The following ARL8A variants were observed in gnomAD, a reference collection of about 807,000 sequenced individuals.
ARL8A encodes ADP-ribosylation factor-like protein 8A.
In ARL8A, 10 loss-of-function variants were observed where a neutral mutation model predicts 31.2. The ratio of observed to expected loss-of-function variants is 0.32; its 90% CI spans 0.20 to 0.54. The LOEUF is 0.54. ARL8A is among the 20% of genes least tolerant of loss of function. The pLI is 0.93. For missense variants in ARL8A, 129 were observed against 242.8 expected (o/e 0.53, Z 3.12); for synonymous variants, 70 against 86.9 (o/e 0.81, Z 1.08).
chr1:202,144,433 G>T lies in ARL8A; in HGVS notation c.123+17C>A. 1 of 1,385,238 alleles carries T rather than the reference G, an allele frequency of 7.2e-7. No individual in the cohort carries two copies. The highest frequency in any genetic ancestry group is 9.6e-7 in the Non-Finnish European group (1 of 1,041,890). 85.8% of individuals were successfully genotyped at this position (1,385,238 alleles called of 1,614,324 possible). ...CGCGGCCCGCGCCCGGGGACCCCGC[G>T]CCCGACGCCCTCGTACCGCGATCAC... is the stretch of plus-strand genomic sequence containing the variant. On this transcript the variant is annotated intron_variant, in intron 1 of 6. Coordinates refer to ENST00000272217, the MANE Select transcript of ARL8A (RefSeq NM_138795.4). This position sits in a 1 kb window ranked among gnomAD's most constrained non-coding sequence, Gnocchi z 5.2.
At position 202,135,141 on chromosome 1, in the gene ARL8A, C is replaced by A. The variant is rs762532680; in HGVS notation, c.511+9G>T. On this transcript the variant is annotated intron_variant, in intron 6 of 6. Coordinates refer to ENST00000272217, the MANE Select transcript of ARL8A (RefSeq NM_138795.4). The surrounding 1 kb of genome is among the most constrained non-coding windows in gnomAD (Gnocchi z 5.3). ...CTCCCCTCTCCTCCCTTTCCCCCAT[C>A]CTACGCACCAATGTTGTCCTTTTCT... 1 of 1,612,600 alleles carries A rather than the reference C, an allele frequency of 6.2e-7. No homozygotes were observed. The highest frequency in any genetic ancestry group is 1.1e-5 in the South Asian group (1 of 91,044).
In ARL8A at chr1:202,138,326, CAA is replaced by C. The variant is rs776306757; in HGVS notation, c.204+40_204+41del. 17 of 1,504,398 alleles carry C rather than the reference CAA, an allele frequency of 1.1e-5. No individual in the cohort carries two copies. In the African/African-American group the frequency reaches 1.2e-4, roughly 10 times the overall value. The allele number at this position is 1,504,398 out of a possible 1,614,324, so 93.2% of individuals were successfully genotyped here. A position where few individuals can be genotyped will look rare whatever the true frequency, so the allele number is the denominator to read the frequency against. ...ACACACACACACACACACACACACA[CAA>C]AAACAGTCCTCTGCACCCCCCAAGC... On this transcript the variant is annotated intron_variant, in intron 2 of 6. Coordinates refer to ENST00000272217, the MANE Select transcript of ARL8A (RefSeq NM_138795.4). This position sits in a 1 kb window ranked among gnomAD's most constrained non-coding sequence, Gnocchi z 4.4.
chr1:202,138,223 C>A lies in ARL8A; in HGVS notation c.204+145G>T. ...AGTCTTCTACTGTCTTTTCCCAGCT[C>A]CTCAGCAGGGGGACCCTGGCCTCTG... On this transcript the variant is annotated intron_variant, in intron 2 of 6. Coordinates refer to ENST00000272217, the MANE Select transcript of ARL8A (RefSeq NM_138795.4). This position sits in a 1 kb window ranked among gnomAD's most constrained non-coding sequence, Gnocchi z 4.4. The A allele has an allele frequency of 8.6e-7, 1 of 1,160,050 alleles. No individual in the cohort carries two copies. Among genetic ancestry groups the A allele is most frequent in the Non-Finnish European group, 1.2e-6 (1 of 805,234 alleles). The allele number at this position is 1,160,050 out of a possible 1,614,324, so 71.9% of individuals were successfully genotyped here. A position where few individuals can be genotyped will look rare whatever the true frequency, so the allele number is the denominator to read the frequency against.
Position 202,138,400 on chromosome 1 carries a change from G to C in ARL8A, c.172C>G (p.Arg58Gly). ...DMIPTVGFNM[R>G]KITKGNVTIK... ...GTCACATTCCCTTTGGTGATTTTGCGCATGTTGAAACCCACGGTGGGGATC... is the reference window on the plus strand; with the variant it reads ...GTCACATTCCCTTTGGTGATTTTGCCCATGTTGAAACCCACGGTGGGGATC... Residue 58 changes from arginine (R) to glycine (G), a missense_variant, in exon 2 of 7, where the codon CGC becomes GGC. Coordinates refer to ENST00000272217, the MANE Select transcript of ARL8A (RefSeq NM_138795.4). The surrounding 1 kb of genome is among the most constrained non-coding windows in gnomAD (Gnocchi z 4.4). 6.2e-7 allele frequency: 1 copy of C among 1,613,956 alleles called. No individual in the cohort carries two copies. The highest frequency in any genetic ancestry group is 8.5e-7 in the Non-Finnish European group (1 of 1,179,964).
chr1:202,133,523 AAAGG>A lies in ARL8A; in HGVS notation c.*940_*943del, dbSNP rs1413245214. 6.6e-6 allele frequency: 1 copy of A among 152,264 alleles called. No individual in the cohort carries two copies. The highest frequency in any genetic ancestry group is 2.4e-5 in the African/African-American group (1 of 41,458). 9.4% of individuals were successfully genotyped at this position (152,264 alleles called of 1,614,324 possible). The stretch of plus-strand genomic sequence containing the variant: ...TTAAATATGAGCTGAAAAGTGTAAA[AAAGG>A]AAGAGGAACATCACTTTACAAATCA... On this transcript the variant is annotated 3_prime_UTR_variant, in exon 7 of 7. Coordinates refer to ENST00000272217, the MANE Select transcript of ARL8A (RefSeq NM_138795.4).
Position 202,138,578 on chromosome 1 carries a change from C to T in ARL8A, c.124-130G>A, listed in dbSNP as rs528113535. ...GACTTCCCACTGTGGGGTACTCTTGCACATCCTGTGCTTTCAGGCAGGATG... is the reference window on the plus strand; with the variant it reads ...GACTTCCCACTGTGGGGTACTCTTGTACATCCTGTGCTTTCAGGCAGGATG... On this transcript the variant is annotated intron_variant, in intron 1 of 6. Coordinates refer to ENST00000272217, the MANE Select transcript of ARL8A (RefSeq NM_138795.4). This position sits in a 1 kb window ranked among gnomAD's most constrained non-coding sequence, Gnocchi z 4.4. 7 of 812,612 alleles carry T rather than the reference C, an allele frequency of 8.6e-6. No individual in the cohort carries two copies. The East Asian group carries it at 1.8e-4, about 21-fold the overall frequency. 50.3% of individuals were successfully genotyped at this position (812,612 alleles called of 1,614,324 possible). A position where few individuals can be genotyped will look rare whatever the true frequency, so the allele number is the denominator to read the frequency against.
intron 1 of ARL8A, among the ~76,000 whole-genome samples, chr1:202,141,665 A>G (rs963993731): frequency 3.4e-5 from 5 of 147,592 alleles, no homozygotes; most frequent in African/African-American, 1.3e-4. Context: ...GAAAAAAGAA[A>G]AAAAAGAAAA....
Position 202,135,294 on chromosome 1 carries a change from CT to C in ARL8A, c.441-75del, listed in dbSNP as rs1654974478. On this transcript the variant is annotated intron_variant, in intron 5 of 6. Coordinates refer to ENST00000272217, the MANE Select transcript of ARL8A (RefSeq NM_138795.4). This position sits in a 1 kb window ranked among gnomAD's most constrained non-coding sequence, Gnocchi z 5.3. ...GCCTGGGGCTAGGGGACAGCGGGGC[CT>C]TTTTCTTACCTAAGAGGCTACAAAG... The C allele has an allele frequency of 2.6e-6, 4 of 1,515,456 alleles. No individual in the cohort carries two copies. Among genetic ancestry groups the C allele is most frequent in the Non-Finnish European group, 3.7e-6 (4 of 1,091,248 alleles). The allele number at this position is 1,515,456 out of a possible 1,614,324, so 93.9% of individuals were successfully genotyped here. A position where few individuals can be genotyped will look rare whatever the true frequency, so the allele number is the denominator to read the frequency against.
intron 1 of ARL8A, among the ~76,000 whole-genome samples, chr1:202,140,542 G>A (rs530320024): frequency 7.2e-5 from 11 of 152,278 alleles, no homozygotes; most frequent in East Asian, 1.9e-4. Context: ...GTCCAGCAGC[G>A]GTTTCCAACC....
intron 1 of ARL8A, among the ~76,000 whole-genome samples, chr1:202,140,296 A>ATTT (rs77654638): frequency 3.2e-4 from 44 of 137,656 alleles, no homozygotes; most frequent in African/African-American, 1.2e-3. Context: ...TGCCTAGCTA[A>ATTT]TTTTTTTTTT....
Position 202,135,332 on chromosome 1 carries a change from G to A in ARL8A, c.441-112C>T. The stretch of plus-strand genomic sequence containing the variant: ...AAGAGGCTACAAAGGGGAGGGTGAG[G>A]TGCCTGAAAAGGTCGGCTCTGCTGC... On this transcript the variant is annotated intron_variant, in intron 5 of 6. Transcript: ENST00000272217. The surrounding 1 kb of genome is among the most constrained non-coding windows in gnomAD (Gnocchi z 5.3). 1.4e-6 allele frequency: 2 copies of A among 1,453,090 alleles called. No individual in the cohort carries two copies. Among genetic ancestry groups the A allele is most frequent in the Non-Finnish European group, 1.9e-6 (2 of 1,035,004 alleles). The allele number at this position is 1,453,090 out of a possible 1,614,324, so 90.0% of individuals were successfully genotyped here.
Position 202,138,517 on chromosome 1 carries a change from G to T in ARL8A, c.124-69C>A. On this transcript the variant is annotated intron_variant, in intron 1 of 6. Transcript: ENST00000272217. The surrounding 1 kb of genome is among the most constrained non-coding windows in gnomAD (Gnocchi z 4.4). ...TGCCCCCACCGCAGACCAAGAGGCT[G>T]CGAGAACCATGCAGAGGCCAGGCCA... 6.8e-7 allele frequency: 1 copy of T among 1,473,614 alleles called. No homozygotes were observed. Among genetic ancestry groups the T allele is most frequent in the Non-Finnish European group, 9.5e-7 (1 of 1,054,028 alleles). The allele number at this position is 1,473,614 out of a possible 1,614,324, so 91.3% of individuals were successfully genotyped here.
At position 202,135,572 on chromosome 1, in the gene ARL8A, C is replaced by T. The variant is rs1280560212; in HGVS notation, c.373-46G>A. 6.2e-6 allele frequency: 10 copies of T among 1,606,872 alleles called. 1 individual carries two copies. In the African/African-American group the frequency reaches 9.4e-5, roughly 15 times the overall value. On this transcript the variant is annotated intron_variant, in intron 4 of 6. Coordinates refer to ENST00000272217, the MANE Select transcript of ARL8A (RefSeq NM_138795.4). The surrounding 1 kb of genome is among the most constrained non-coding windows in gnomAD (Gnocchi z 5.3). Reference sequence around the variant, plus strand: ...GGATGAGGTCTAGGGCAGCCGTGCCCAGGTTGTCTGGGTGGTGAGCTGGCC... The same window carrying T: ...GGATGAGGTCTAGGGCAGCCGTGCCTAGGTTGTCTGGGTGGTGAGCTGGCC...
At position 202,144,240 on chromosome 1, in the gene ARL8A, G is replaced by C. The variant is rs567906990; in HGVS notation, c.123+210C>G. Among the ~76,000 whole-genome samples the C allele has an allele frequency of 1.1e-4, 17 of 152,094 alleles. No homozygotes were observed. The East Asian group carries it at 3.3e-3, about 30-fold the overall frequency. On this transcript the variant is annotated intron_variant, in intron 1 of 6. Transcript: ENST00000272217. This position sits in a 1 kb window ranked among gnomAD's most constrained non-coding sequence, Gnocchi z 5.2. ...CCCCAGCCGTGCAGTACCGGCCCGG[G>C]TGAGAGAGCGGGTCGCGCGCCGCCC...
chr1:202,135,639 C>T lies in ARL8A; in HGVS notation c.372+68G>A. The stretch of plus-strand genomic sequence containing the variant: ...CTCTCTGCGCCCCTACCATGCCTGG[C>T]TTTTACCTGCTCCCAGTGACTTCCC... On this transcript the variant is annotated intron_variant, in intron 4 of 6. Transcript: ENST00000272217. This position sits in a 1 kb window ranked among gnomAD's most constrained non-coding sequence, Gnocchi z 5.3. 1.3e-6 allele frequency: 2 copies of T among 1,583,306 alleles called. No individual in the cohort carries two copies. The highest frequency in any genetic ancestry group is 2.2e-5 in the South Asian group (2 of 90,394).
rs888384307 is a variant in ARL8A at position 202,144,726 on chromosome 1, C to G, written c.-154G>C. Reference sequence around the variant, plus strand: ...CGCGGCTGCCGACGACTCGCTGCCCCGGAATCGGCTCGCCGATGGGTGTGG... The same window carrying G: ...CGCGGCTGCCGACGACTCGCTGCCCGGGAATCGGCTCGCCGATGGGTGTGG... On this transcript the variant is annotated 5_prime_UTR_variant, in exon 1 of 7. Transcript: ENST00000272217. This position sits in a 1 kb window ranked among gnomAD's most constrained non-coding sequence, Gnocchi z 5.2. The G allele has an allele frequency of 1.2e-5, 10 of 819,436 alleles. No individual in the cohort carries two copies. Among genetic ancestry groups the G allele is most frequent in the African/African-American group, 1.9e-5 (1 of 53,854 alleles). 50.8% of individuals were successfully genotyped at this position (819,436 alleles called of 1,614,324 possible).
At position 202,135,331 on chromosome 1, in the gene ARL8A, G is replaced by A. The variant is rs549508956; in HGVS notation, c.441-111C>T. On this transcript the variant is annotated intron_variant, in intron 5 of 6. Transcript: ENST00000272217. The surrounding 1 kb of genome is among the most constrained non-coding windows in gnomAD (Gnocchi z 5.3). Reference sequence around the variant, plus strand: ...TAAGAGGCTACAAAGGGGAGGGTGAGGTGCCTGAAAAGGTCGGCTCTGCTG... The same window carrying A: ...TAAGAGGCTACAAAGGGGAGGGTGAAGTGCCTGAAAAGGTCGGCTCTGCTG... The A allele has an allele frequency of 1.2e-5, 18 of 1,451,668 alleles. No homozygotes were observed. In the African/African-American group the frequency reaches 2.1e-4, roughly 17 times the overall value. 89.9% of individuals were successfully genotyped at this position (1,451,668 alleles called of 1,614,324 possible). A position where few individuals can be genotyped will look rare whatever the true frequency, so the allele number is the denominator to read the frequency against.
At chr1:202,136,252 CAT>C (rs1302335402) in intron 3 of ARL8A, among the ~76,000 whole-genome samples, 1 of 151,848 alleles carries the variant, frequency 6.6e-6, no homozygotes, top group African/African-American at 2.4e-5. Context: ...ATTGTTTGGG[CAT>C]ATATATATAG....
chr1:202,139,632 C>CTTTTTTT (rs71141457), intron 1 of ARL8A, among the ~76,000 whole-genome samples: 1 of 50,532 alleles, frequency 2.0e-5, no homozygotes, highest in African/African-American at 7.8e-5. Context: ...AGCCCTGTTC[C>CTTTTTTT]TTTTTTTTTT....
Sources: gnomAD v4.1 joint callset for allele counts (sites outside exome capture counted in the v4.1 genomes callset) on GRCh38, gnomAD v4.1.1 for gene constraint, Gnocchi (gnomAD v3.1) non-coding constraint, MANE v1.5 for transcripts, NCBI Gene and HGNC (gene_info 2026-07-23, HGNC 2026-07-21) for gene names.